The following ARHGAP24 variants were observed in gnomAD, a reference collection of about 807,000 sequenced individuals.
ARHGAP24 encodes the protein Rho GTPase activating protein 24.
Under a neutral mutation model 76.4 loss-of-function variants are expected in ARHGAP24, and 50 were observed. The ratio of observed to expected loss-of-function variants is 0.65; its 90% CI spans 0.52 to 0.83. ARHGAP24 has a LOEUF of 0.83. Ranked by LOEUF, ARHGAP24 falls within the 40% of genes least tolerant of loss-of-function variation. The pLI, the probability that ARHGAP24 is intolerant of heterozygous loss-of-function variation, is 0.00. For synonymous variants in ARHGAP24, 345 were observed against 323.3 expected (o/e 1.07, Z -0.72); for missense variants, 930 against 914.2 (o/e 1.02, Z -0.22).
At chr4:85,629,141 T>C (rs751410710) in intron 2 of ARHGAP24, among the ~76,000 whole-genome samples, 2 of 152,214 alleles carry the variant, frequency 1.3e-5, no homozygotes, top group East Asian at 1.9e-4. Flanking sequence ...GGATTTTTCT[T>C]TGTGGTTACC....
chr4:85,782,123 G>A (rs1311845396), intron 3 of ARHGAP24, among the ~76,000 whole-genome samples: 2 of 151,114 alleles, frequency 1.3e-5, no homozygotes, highest in Non-Finnish European at 2.9e-5. Context: ...TCAGTTAGGT[G>A]GCATGACTTA....
chr4:85,994,691 A>G lies in ARHGAP24; in HGVS notation c.1037A>G (p.Asn346Ser), dbSNP rs375534463. Residue 346 changes from asparagine (N) to serine (S), a missense_variant, in exon 9 of 10, where the codon AAC (asparagine) becomes AGC (serine). By Grantham distance (46) the Asn-to-Ser change is conservative (BLOSUM62 1). Coordinates refer to ENST00000395184, the MANE Select transcript of ARHGAP24 (RefSeq NM_001025616.3). Reference protein sequence around the residue: ...QSKPQDGVSNNNEIQKKATMG... With the variant: ...QSKPQDGVSNSNEIQKKATMG... ...AAGCCCCAAGATGGAGTGAGCAACA[A>G]CAATGAAATTCAGAAGAAAGCCACC... 1.2e-6 allele frequency: 2 copies of G among 1,614,074 alleles called. No homozygotes were observed. The highest frequency in any genetic ancestry group is 1.1e-5 in the South Asian group (1 of 91,080).
Position 86,001,733 on chromosome 4 carries a change from A to G in ARHGAP24, c.*1011A>G. 1 of 285,626 alleles carries G rather than the reference A, an allele frequency of 3.5e-6. No homozygotes were observed. Among genetic ancestry groups the G allele is most frequent in the Middle Eastern group, 9.5e-4 (1 of 1,050 alleles). 17.7% of individuals were successfully genotyped at this position (285,626 alleles called of 1,614,324 possible). A position where few individuals can be genotyped will look rare whatever the true frequency, so the allele number is the denominator to read the frequency against. On this transcript the variant is annotated 3_prime_UTR_variant, in exon 10 of 10. Coordinates refer to ENST00000395184, the MANE Select transcript of ARHGAP24 (RefSeq NM_001025616.3). ...GTATTACTGTTTCCCTCTGAGTGAA[A>G]CTGCTAGAGTATATGTCACGTAGTG...
chr4:85,566,777 G>A (rs1347979561), intron 1 of ARHGAP24, among the ~76,000 whole-genome samples: 1 of 152,224 alleles, frequency 6.6e-6, no homozygotes, highest in Non-Finnish European at 1.5e-5. Context: ...ATTTAGAGAA[G>A]TGTCAGGGAG....
rs528272686 is a variant in ARHGAP24, at chr4:85,633,793, G to A, written c.180+63072G>A. On this transcript the variant is annotated intron_variant, in intron 2 of 9. Transcript: ENST00000395184. ...TCTTACTTGCTTCCTGAAATATTTC[G>A]GGAGCCTGATTTCTCCTCTCTAAAG... Among the ~76,000 whole-genome samples, 11 of 151,716 alleles carry A rather than the reference G, an allele frequency of 7.3e-5. No homozygotes were observed. In the East Asian group the frequency reaches 2.1e-3, roughly 29 times the overall value.
At chr4:85,960,136 C>T (rs1738159869) in intron 5 of ARHGAP24, among the ~76,000 whole-genome samples, 1 of 152,152 alleles carries the variant, frequency 6.6e-6, no homozygotes, top group South Asian at 2.1e-4. Flanking sequence ...TATATTCCAA[C>T]ATAGAAGTAT....
At chr4:85,669,670 T>G (rs1056443372) in intron 2 of ARHGAP24, among the ~76,000 whole-genome samples, 6 of 66,512 alleles carry the variant, frequency 9.0e-5, no homozygotes, top group Non-Finnish European at 1.6e-4. Flanking sequence ...TATATATATA[T>G]ATATATATAT....
At chr4:85,869,316 G>T (rs1187539128) in intron 3 of ARHGAP24, among the ~76,000 whole-genome samples, 3 of 152,170 alleles carry the variant, frequency 2.0e-5, no homozygotes, top group African/African-American at 4.8e-5. Flanking sequence ...GGTTGGGAAT[G>T]GTTGTTGATG....
intron 2 of ARHGAP24, among the ~76,000 whole-genome samples, chr4:85,577,977 G>A (rs1268187597): frequency 6.6e-6 from 1 of 152,188 alleles, no homozygotes; most frequent in African/African-American, 2.4e-5. Context: ...TTTGTTAAGA[G>A]TCCAGAAAGC....
chr4:85,752,205 G>C (rs1726291043), intron 3 of ARHGAP24, among the ~76,000 whole-genome samples: 1 of 152,144 alleles, frequency 6.6e-6, no homozygotes, highest in Non-Finnish European at 1.5e-5. Context: ...TCAAAGTCTG[G>C]CATCTGGATA....
chr4:85,746,280 G>A (rs141396620), intron 3 of ARHGAP24, among the ~76,000 whole-genome samples: 2 of 152,300 alleles, frequency 1.3e-5, no homozygotes, highest in East Asian at 3.9e-4. Flanking sequence ...ATCATTTAGT[G>A]TTGCAAATAT....
chr4:85,795,278 T>C (rs1454602125), intron 3 of ARHGAP24, among the ~76,000 whole-genome samples: 1 of 152,228 alleles, frequency 6.6e-6, no homozygotes, highest in Non-Finnish European at 1.5e-5. Flanking sequence ...TCTAATGGCC[T>C]TTTCTTCATC....
chr4:85,844,547 C>T (rs971507949), intron 3 of ARHGAP24, among the ~76,000 whole-genome samples: 1 of 152,172 alleles, frequency 6.6e-6, no homozygotes, highest in Non-Finnish European at 1.5e-5. Context: ...CGCATACACA[C>T]AACATAAACC....
intron 3 of ARHGAP24, among the ~76,000 whole-genome samples, chr4:85,760,353 G>C (rs1203331252): frequency 6.6e-6 from 1 of 152,078 alleles, no homozygotes; most frequent in Non-Finnish European, 1.5e-5. Context: ...AATGTTTTAT[G>C]ACTGACCGAG....
In ARHGAP24 at chr4:85,736,485, G is replaced by GTTTGGTTAAGTTA. The variant is rs1203203905; in HGVS notation, c.268+14513_268+14514insTTTGGTTAAGTTA. ...ACCCTGAGTGCTACAGTAATTCTGT[G>GTTTGGTTAAGTTA]ATTCAATTCGAATCCAAAGTTTGGT... is the stretch of plus-strand genomic sequence containing the variant. On this transcript the variant is annotated intron_variant, in intron 3 of 9. Transcript: ENST00000395184. Among the ~76,000 whole-genome samples the GTTTGGTTAAGTTA allele has an allele frequency of 2.0e-5, 3 of 152,300 alleles. No individual in the cohort carries two copies. The East Asian group carries it at 5.8e-4, about 29-fold the overall frequency.
At chr4:85,972,004 C>T (rs1739013719) in intron 5 of ARHGAP24, 32 bp from the exon 6 acceptor site, 7 of 1,613,668 alleles carry the variant, frequency 4.3e-6, no homozygotes, top group East Asian at 4.5e-5. Context: ...AAGTTTACTC[C>T]AAAGAATATC....
In ARHGAP24 at chr4:85,570,550, G is replaced by C; in HGVS notation, c.9G>C (p.Glu3Asp). Residue 3 changes from glutamate to aspartate, a missense_variant, in exon 2 of 10, where the codon GAG becomes GAC. Coordinates refer to ENST00000395184, the MANE Select transcript of ARHGAP24 (RefSeq NM_001025616.3). MEENNDSTENPQQ... is the reference protein window; with the variant it reads MEDNNDSTENPQQ... ...AGTCCATCAGCTTGATAATGGAGGA[G>C]AACAATGACTCCACGGAGAACCCCC... 6.2e-7 allele frequency: 1 copy of C among 1,613,776 alleles called. No individual in the cohort carries two copies. The highest frequency in any genetic ancestry group is 1.1e-5 in the South Asian group (1 of 91,068).
intron 2 of ARHGAP24, among the ~76,000 whole-genome samples, chr4:85,589,186 C>T (rs1017438986): frequency 1.3e-5 from 2 of 152,100 alleles, no homozygotes; most frequent in Non-Finnish European, 2.9e-5. Context: ...GTGATCTGGC[C>T]GATGTCAGAG....
At chr4:85,798,946 A>G (rs1034210748) in intron 3 of ARHGAP24, among the ~76,000 whole-genome samples, 18 of 152,366 alleles carry the variant, frequency 1.2e-4, no homozygotes, top group African/African-American at 4.3e-4. Context: ...CTTTAAAAGC[A>G]AAGAAAACAA....
Sources: gnomAD v4.1 joint callset for allele counts (sites outside exome capture counted in the v4.1 genomes callset) on GRCh38, gnomAD v4.1.1 for gene constraint, MANE v1.5 for transcripts, NCBI Gene and HGNC (gene_info 2026-07-23, HGNC 2026-07-21) for gene names.